ST6GALNAC3: variants seen among roughly 807,000 people sequenced by gnomAD.
The protein encoded by ST6GALNAC3 is alpha-N-acetylgalactosaminide alpha-2,6-sialyltransferase 3.
In ST6GALNAC3, 25 loss-of-function variants were observed where a neutral mutation model predicts 32.7. The observed-to-expected ratio is 0.76, with a 90% CI of 0.56 to 1.07. The LOEUF (loss-of-function observed/expected upper bound fraction) is 1.07. Ranked by LOEUF, ST6GALNAC3 falls within the 50% of genes least tolerant of loss-of-function variation. The pLI, the probability that ST6GALNAC3 is intolerant of heterozygous loss-of-function variation, is 0.00. For synonymous variants in ST6GALNAC3, 129 were observed against 133.1 expected, an observed-to-expected ratio of 0.97 and a Z score of 0.21; for missense variants, 355 against 382.4, an observed-to-expected ratio of 0.93 and a Z score of 0.60.
chr1:76,329,350 G>A (rs1473755896), intron 2 of ST6GALNAC3, among the ~76,000 whole-genome samples: 1 of 152,162 alleles, frequency 6.6e-6, no homozygotes, highest in Non-Finnish European at 1.5e-5. Flanking sequence ...TTCTCTGTAA[G>A]TGATGTTAAC....
chr1:76,547,498 A>C (rs540239000), intron 3 of ST6GALNAC3, among the ~76,000 whole-genome samples: 35 of 152,322 alleles, frequency 2.3e-4, no homozygotes, highest in Admixed American at 2.2e-3. Flanking sequence ...GCAAAATGCT[A>C]ATGCCTACCC....
intron 3 of ST6GALNAC3, among the ~76,000 whole-genome samples, chr1:76,569,357 G>A (rs1479257498): frequency 1.3e-5 from 2 of 152,126 alleles, no homozygotes; most frequent in Non-Finnish European, 2.9e-5. Context: ...ATTAATAGAG[G>A]CATGGCAGGT....
intron 3 of ST6GALNAC3, among the ~76,000 whole-genome samples, chr1:76,585,258 C>T (rs1047698736): frequency 1.3e-5 from 2 of 151,950 alleles, no homozygotes; most frequent in Non-Finnish European, 2.9e-5. Context: ...TGGTGGCACG[C>T]ACCTGTCATC....
intron 3 of ST6GALNAC3, among the ~76,000 whole-genome samples, chr1:76,525,176 A>C (rs1662788749): frequency 6.6e-6 from 1 of 152,112 alleles, no homozygotes; most frequent in Admixed American, 6.6e-5. Context: ...TTAACTCTGA[A>C]GTATTAATTG....
chr1:76,409,658 G>A (rs946912595), intron 2 of ST6GALNAC3, among the ~76,000 whole-genome samples: 6 of 152,064 alleles, frequency 3.9e-5, no homozygotes, highest in African/African-American at 1.4e-4. Flanking sequence ...CATGGGAAAG[G>A]CTGATGATTT....
chr1:76,353,275 G>A (rs142278318), intron 2 of ST6GALNAC3, among the ~76,000 whole-genome samples: 4 of 151,892 alleles, frequency 2.6e-5, no homozygotes, highest in East Asian at 1.9e-4. Flanking sequence ...TACGTTCTTC[G>A]GGCCCACGCG....
chr1:76,333,418 G>A (rs1647241036), intron 2 of ST6GALNAC3, among the ~76,000 whole-genome samples: 1 of 152,158 alleles, frequency 6.6e-6, no homozygotes, highest in African/African-American at 2.4e-5. Context: ...GACTCATAAG[G>A]ATGCTATCAT....
rs1557784679 is a variant in ST6GALNAC3, at chr1:76,321,425, G to T, written c.213+7426G>T. On this transcript the variant is annotated intron_variant, in intron 2 of 4. Coordinates refer to ENST00000328299, the MANE Select transcript of ST6GALNAC3 (RefSeq NM_152996.4). ...TCCCCTCCCATCCCCCATGGTTTGG[G>T]TGTATAAGCCAATATATTTGTCTTC... Among the ~76,000 whole-genome samples, 3 of 152,182 alleles carry T rather than the reference G, an allele frequency of 2.0e-5. No homozygotes were observed. In the East Asian group the frequency reaches 5.8e-4, roughly 29 times the overall value.
rs1167452856 is a variant in ST6GALNAC3 at position 76,525,771 on chromosome 1, TTG to T, written c.624-101661_624-101660del. 1.8e-3 allele frequency among the ~76,000 whole-genome samples: 164 copies of T among 93,096 alleles called. 2 individuals carry two copies. The highest frequency in any genetic ancestry group is 2.6e-3 in the Non-Finnish European group (113 of 42,670). The allele number at this position is 93,096 out of a possible 152,430, so 61.1% of individuals were successfully genotyped here. A position where few individuals can be genotyped will look rare whatever the true frequency, so the allele number is the denominator to read the frequency against. ...TATGTGTATATATGTGTATGTGTGT[TTG>T]TGTGTGTGTGTGTGTGTGTATATAT... On this transcript the variant is annotated intron_variant, in intron 3 of 4. Transcript: ENST00000328299.
chr1:76,156,780 G>A (rs994929614), intron 1 of ST6GALNAC3, among the ~76,000 whole-genome samples: 1 of 152,262 alleles, frequency 6.6e-6, no homozygotes, highest in African/African-American at 2.4e-5. Flanking sequence ...CGCCCAGGCT[G>A]GAGTACAGTG....
At chr1:76,391,021 G>C (rs1040494277) in intron 2 of ST6GALNAC3, among the ~76,000 whole-genome samples, 2 of 149,600 alleles carry the variant, frequency 1.3e-5, no homozygotes, top group South Asian at 2.1e-4. Context: ...CTCACTGCAC[G>C]CTCCACCTCC....
chr1:76,156,295 C>T (rs909673505), intron 1 of ST6GALNAC3, among the ~76,000 whole-genome samples: 1 of 148,708 alleles, frequency 6.7e-6, no homozygotes. Context: ...TGTCCCCTCT[C>T]CTTTTTTTAT....
intron 1 of ST6GALNAC3, among the ~76,000 whole-genome samples, chr1:76,154,215 A>G (rs1406047732): frequency 6.6e-6 from 1 of 152,020 alleles, no homozygotes; most frequent in Non-Finnish European, 1.5e-5. Context: ...CACCAACCAC[A>G]TGAATCCAAC....
intron 3 of ST6GALNAC3, among the ~76,000 whole-genome samples, chr1:76,575,847 G>A (rs1646795976): frequency 6.6e-6 from 1 of 151,794 alleles, no homozygotes; most frequent in Admixed American, 6.6e-5. Flanking sequence ...TTTTAAATAA[G>A]AGCTCCTGGT....
At chr1:76,560,893 T>C (rs749430430) in intron 3 of ST6GALNAC3, among the ~76,000 whole-genome samples, 1 of 152,216 alleles carries the variant, frequency 6.6e-6, no homozygotes. Flanking sequence ...CCCATGTTTG[T>C]TGCAGCAAGA....
At chr1:76,261,012 G>C (rs1038715556) in intron 1 of ST6GALNAC3, among the ~76,000 whole-genome samples, 1 of 118,442 alleles carries the variant, frequency 8.4e-6, no homozygotes. Context: ...ACACACACAC[G>C]CTGTGAAATG....
chr1:76,323,191 TA>T (rs1647002328), intron 2 of ST6GALNAC3, among the ~76,000 whole-genome samples: 1 of 151,952 alleles, frequency 6.6e-6, no homozygotes, highest in Admixed American at 6.5e-5. Flanking sequence ...ACACAGACTA[TA>T]AAAATGATTA....
chr1:76,159,789 C>T, intron 1 of ST6GALNAC3, among the ~76,000 whole-genome samples: 1 of 152,280 alleles, frequency 6.6e-6, no homozygotes, highest in Middle Eastern at 3.4e-3. Context: ...CACAGAATAC[C>T]TACACATGCC....
chr1:76,390,856 T>G (rs1652476584), intron 2 of ST6GALNAC3, among the ~76,000 whole-genome samples: 1 of 151,308 alleles, frequency 6.6e-6, no homozygotes, highest in Non-Finnish European at 1.5e-5. Flanking sequence ...TATAATGCTA[T>G]AACTTCATAT....
Sources: allele counts gnomAD v4.1 joint callset (sites outside exome capture counted in the v4.1 genomes callset), GRCh38; gene constraint gnomAD v4.1.1; transcripts MANE v1.5; gene names NCBI Gene and HGNC (gene_info 2026-07-23, HGNC 2026-07-21).